FMN1: variants seen among roughly 807,000 people sequenced by gnomAD.
FMN1 encodes formin 1, also known as formin-1.
A neutral mutation model predicts 132.4 loss-of-function variants in FMN1; 110 were observed. The observed-to-expected ratio is 0.83, with a 90% CI of 0.71 to 0.97. The LOEUF (loss-of-function observed/expected upper bound fraction) is 0.97, where lower values mean the gene tolerates loss of function less well. FMN1 is among the 50% of genes least tolerant of loss of function. FMN1 has a pLI of 0.00. For synonymous variants in FMN1, 722 were observed against 651.7 expected, an observed-to-expected ratio of 1.11 and a Z score of -1.64; for missense variants, 1,792 against 1,705.3, an observed-to-expected ratio of 1.05 and a Z score of -0.90.
chr15:33,096,958 G>A (rs2039107619), intron 4 of FMN1, among the ~76,000 whole-genome samples: 1 of 152,044 alleles, frequency 6.6e-6, no homozygotes, highest in African/African-American at 2.4e-5. Flanking sequence ...ATAGGTCACT[G>A]GGGCTCTGGT....
intron 4 of FMN1, among the ~76,000 whole-genome samples, chr15:33,128,766 T>C (rs1169063053): frequency 2.6e-5 from 4 of 152,322 alleles, no homozygotes; most frequent in Admixed American, 6.5e-5. Flanking sequence ...CCCTTAAAAG[T>C]GGTATGGACC....
chr15:33,101,859 C>T (rs918704468), intron 4 of FMN1, among the ~76,000 whole-genome samples: 1 of 152,106 alleles, frequency 6.6e-6, no homozygotes, highest in Non-Finnish European at 1.5e-5. Flanking sequence ...TTCTGAATCC[C>T]CATCTATAAC....
chr15:32,899,938 A>G (rs2060255113), intron 14 of FMN1, 41 bp downstream of exon 14: 2 of 1,593,198 alleles, frequency 1.3e-6, no homozygotes, highest in African/African-American at 2.7e-5. Context: ...AAGAAAGAAA[A>G]TAATGGCAGA....
rs1307236605 is a variant in FMN1 at position 32,908,475 on chromosome 15, G to A, written c.3377+15C>T. 2 of 1,567,790 alleles carry A rather than the reference G, an allele frequency of 1.3e-6. No individual in the cohort carries two copies. ...TCTCCTTTTGGCCTAACAGAAAAAT[G>A]TTAAGTATCCTTACTGCTCAGGTTT... On this transcript the variant is annotated intron_variant, in intron 12 of 20. Coordinates refer to ENST00000616417, the MANE Select transcript of FMN1 (RefSeq NM_001277313.2).
At chr15:32,956,602 A>G (rs1418068431) in intron 9 of FMN1, among the ~76,000 whole-genome samples, 6 of 152,134 alleles carry the variant, frequency 3.9e-5, no homozygotes, top group Non-Finnish European at 7.3e-5. Flanking sequence ...CCCAGGTCAT[A>G]TATTAGTACA....
Position 32,776,827 on chromosome 15 carries a change from T to C in FMN1, c.4215+8A>G. On this transcript the variant is annotated splice_region_variant and intron_variant, in intron 20 of 20. Coordinates refer to ENST00000616417, the MANE Select transcript of FMN1 (RefSeq NM_001277313.2). ...AATCGTTAGATTATGTTGAAAAATA[T>C]ATCTCACCAGGCTAGCAGTGGGATT... is the stretch of plus-strand genomic sequence containing the variant. 6.5e-7 allele frequency: 1 copy of C among 1,536,084 alleles called. No individual in the cohort carries two copies. Among genetic ancestry groups the C allele is most frequent in the Non-Finnish European group, 8.9e-7 (1 of 1,120,544 alleles).
At chr15:33,186,920 C>T (rs1338174662) in intron 2 of FMN1, among the ~76,000 whole-genome samples, 1 of 152,186 alleles carries the variant, frequency 6.6e-6, no homozygotes, top group Non-Finnish European at 1.5e-5. Context: ...TTAGTCAATG[C>T]AGTCCTTCAA....
intron 6 of FMN1, among the ~76,000 whole-genome samples, chr15:33,026,854 A>C (rs2035701863): frequency 6.6e-6 from 1 of 152,164 alleles, no homozygotes; most frequent in Non-Finnish European, 1.5e-5. Flanking sequence ...TCTAAGGGAG[A>C]CAGGACACTT....
chr15:33,000,014 C>G (rs1032259444), intron 7 of FMN1, among the ~76,000 whole-genome samples: 1 of 152,166 alleles, frequency 6.6e-6, no homozygotes, highest in African/African-American at 2.4e-5. Flanking sequence ...AGTGACACAT[C>G]TGAGAAGACA....
At chr15:32,777,295 G>A (rs1464843192) in intron 19 of FMN1, among the ~76,000 whole-genome samples, 2 of 151,900 alleles carry the variant, frequency 1.3e-5, no homozygotes, top group Non-Finnish European at 2.9e-5. Context: ...CTGAGGAAAT[G>A]TGAAACTACA....
intron 7 of FMN1, among the ~76,000 whole-genome samples, chr15:32,980,172 G>C (rs930865174): frequency 2.0e-5 from 3 of 151,200 alleles, no homozygotes; most frequent in African/African-American, 7.4e-5. Context: ...GCTCACCCTA[G>C]CCAAAAGGCA....
chr15:32,919,617 T>G (rs2060771503), intron 10 of FMN1, among the ~76,000 whole-genome samples: 1 of 152,218 alleles, frequency 6.6e-6, no homozygotes, highest in Non-Finnish European at 1.5e-5. Context: ...GTCCTACACT[T>G]ATATTTTAGA....
chr15:33,142,875 C>T (rs1964063766), intron 4 of FMN1, among the ~76,000 whole-genome samples: 1 of 152,146 alleles, frequency 6.6e-6, no homozygotes, highest in Admixed American at 6.5e-5. Flanking sequence ...TAAAATGTAC[C>T]TTGGTTCAGA....
At chr15:32,808,581 C>G (rs28454347) in intron 17 of FMN1, among the ~76,000 whole-genome samples, 35,271 of 152,114 alleles carry the variant, frequency 0.23, 4,197 homozygotes, top group Middle Eastern at 0.32. Context: ...ACTGGGTGAT[C>G]GTCAGAAAAT....
chr15:32,838,183 G>T (rs1431665176), intron 17 of FMN1, among the ~76,000 whole-genome samples: 1 of 152,088 alleles, frequency 6.6e-6, no homozygotes, highest in East Asian at 1.9e-4. Flanking sequence ...AAACATAAGG[G>T]GGTGGAGGAG....
At chr15:32,972,104 A>C (rs190888144) in intron 7 of FMN1, among the ~76,000 whole-genome samples, 1 of 152,290 alleles carries the variant, frequency 6.6e-6, no homozygotes, top group East Asian at 1.9e-4. Context: ...GCAAATTAAT[A>C]TACGTAAAAG....
intron 4 of FMN1, among the ~76,000 whole-genome samples, chr15:33,110,742 T>C (rs1175766537): frequency 2.0e-5 from 3 of 152,022 alleles, no homozygotes; most frequent in Non-Finnish European, 4.4e-5. Flanking sequence ...AAATGCAATA[T>C]TAAATCCCAA....
chr15:33,166,966 T>C (rs1326597010), intron 3 of FMN1, among the ~76,000 whole-genome samples: 10 of 152,092 alleles, frequency 6.6e-5, no homozygotes, highest in Non-Finnish European at 1.5e-4. Flanking sequence ...TGTTTCTTAG[T>C]AGACTAATCA....
chr15:33,104,127 CATG>C (rs2039395657), intron 4 of FMN1, among the ~76,000 whole-genome samples: 2 of 152,062 alleles, frequency 1.3e-5, no homozygotes, highest in Admixed American at 1.3e-4. Flanking sequence ...CAGTCAAGTG[CATG>C]ATAAACATTC....
Sources: allele counts gnomAD v4.1 joint callset (sites outside exome capture counted in the v4.1 genomes callset), GRCh38; gene constraint gnomAD v4.1.1; transcripts MANE v1.5; gene names NCBI Gene and HGNC (gene_info 2026-07-23, HGNC 2026-07-21).